CNTNAP5: variants seen among roughly 807,000 people sequenced by gnomAD.
CNTNAP5 encodes contactin associated protein family member 5.
CNTNAP5 carries 72 observed loss-of-function variants against 150.2 expected under a neutral mutation model. That is an observed-to-expected ratio of 0.48 (90% CI 0.40 to 0.58). The LOEUF (loss-of-function observed/expected upper bound fraction) is 0.58. Ranked by LOEUF, CNTNAP5 falls within the 20% of genes least tolerant of loss-of-function variation. CNTNAP5 has a pLI of 0.00. For synonymous variants in CNTNAP5, 672 were observed against 619.8 expected, an observed-to-expected ratio of 1.08 and a Z score of -1.25; for missense variants, 1,636 against 1,626.2, an observed-to-expected ratio of 1.01 and a Z score of -0.10.
chr2:124,315,047 A>G (rs566375728), intron 3 of CNTNAP5, among the ~76,000 whole-genome samples: 4 of 151,384 alleles, frequency 2.6e-5, no homozygotes, highest in Non-Finnish European at 4.4e-5. Flanking sequence ...TGGTATAATC[A>G]CAGCTCACTG....
At chr2:124,582,860 C>T (rs1696446392) in intron 11 of CNTNAP5, among the ~76,000 whole-genome samples, 2 of 152,040 alleles carry the variant, frequency 1.3e-5, no homozygotes, top group African/African-American at 2.4e-5. Flanking sequence ...ACAACTTTTG[C>T]CTAGTGTTTG....
rs748003668 is a variant in CNTNAP5, at chr2:124,446,805, C to T, written c.786C>T (p.Ser262=). Residue 262 remains serine (S), a synonymous_variant, in exon 6 of 24, where the codon AGC becomes AGT. Transcript: ENST00000682447. ...GCTTGCCCTCTGCCACCCTGGGCAG[C>T]CTCCTGGATGACCAGCACTGGCACT... is the stretch of plus-strand genomic sequence containing the variant. ...SSSLPSATLG[S]LLDDQHWHSV... 5.6e-6 allele frequency: 9 copies of T among 1,613,930 alleles called. No homozygotes were observed. In the Admixed American group the frequency reaches 6.7e-5, roughly 12 times the overall value.
intron 3 of CNTNAP5, among the ~76,000 whole-genome samples, chr2:124,394,017 C>A (rs1031148770): frequency 6.6e-6 from 1 of 152,038 alleles, no homozygotes; most frequent in African/African-American, 2.4e-5. Context: ...TATCAGTCAT[C>A]GTTTACACAT....
At chr2:124,707,437 C>T (rs1679714995) in intron 13 of CNTNAP5, among the ~76,000 whole-genome samples, 1 of 152,190 alleles carries the variant, frequency 6.6e-6, no homozygotes, top group African/African-American at 2.4e-5. Flanking sequence ...AAGTGTGGTA[C>T]ATTTTTTGAA....
intron 4 of CNTNAP5, 71 bp downstream of exon 4, chr2:124,417,661 T>C: frequency 7.4e-7 from 1 of 1,358,676 alleles, no homozygotes; most frequent in Non-Finnish European, 1.0e-6. Context: ...TCAGTTTATC[T>C]ACATTGAGAT....
At chr2:124,087,418 T>C (rs551446406) in intron 1 of CNTNAP5, among the ~76,000 whole-genome samples, 2 of 152,044 alleles carry the variant, frequency 1.3e-5, no homozygotes, top group East Asian at 3.9e-4. Context: ...TAAAATTCCC[T>C]CTTTACACTT....
At chr2:124,134,045 A>C (rs753234248) in intron 1 of CNTNAP5, among the ~76,000 whole-genome samples, 1 of 152,134 alleles carries the variant, frequency 6.6e-6, no homozygotes, top group Non-Finnish European at 1.5e-5. Context: ...CTTTCCTGCA[A>C]CATTATCAGT....
At chr2:124,707,513 G>GA (rs567519903) in intron 13 of CNTNAP5, among the ~76,000 whole-genome samples, 21 of 146,212 alleles carry the variant, frequency 1.4e-4, no homozygotes, top group Non-Finnish European at 2.5e-4. Context: ...AAGTTTTAAG[G>GA]AAAAAAAATC....
intron 13 of CNTNAP5, among the ~76,000 whole-genome samples, chr2:124,694,513 T>A: frequency 6.6e-6 from 1 of 152,156 alleles, no homozygotes; most frequent in Non-Finnish European, 1.5e-5. Flanking sequence ...GGTAAAGACC[T>A]TAATGATATA....
chr2:124,718,391 G>A (rs969279747), intron 13 of CNTNAP5, among the ~76,000 whole-genome samples: 2 of 152,078 alleles, frequency 1.3e-5, no homozygotes, highest in African/African-American at 2.4e-5. Context: ...TTTCAGTAAA[G>A]CCTATCATCA....
intron 5 of CNTNAP5, among the ~76,000 whole-genome samples, chr2:124,442,329 C>G (rs1692696140): frequency 6.6e-6 from 1 of 152,106 alleles, no homozygotes. Flanking sequence ...CTACTAGAAG[C>G]TTTAGGATTT....
intron 8 of CNTNAP5, among the ~76,000 whole-genome samples, chr2:124,510,491 A>ATATATC (rs1173746490): frequency 3.5e-5 from 4 of 115,736 alleles, no homozygotes; most frequent in African/African-American, 1.3e-4. Context: ...ATATATATAT[A>ATATATC]TATATATATA....
Position 124,675,356 on chromosome 2 carries a change from G to GTA in CNTNAP5, c.2077+27402_2077+27403dup, listed in dbSNP as rs535165936. ...ACATATTTGTGTGTTTGAATATGAT[G>GTA]TATATCTCATATAGACAACATATTC... is the stretch of plus-strand genomic sequence containing the variant. On this transcript the variant is annotated intron_variant, in intron 13 of 23. Coordinates refer to ENST00000682447, the MANE Select transcript of CNTNAP5 (RefSeq NM_001367498.1). Among the ~76,000 whole-genome samples the GTA allele has an allele frequency of 3.0e-4, 46 of 152,038 alleles. 2 individuals are homozygous for GTA. The East Asian group carries it at 8.3e-3, about 27-fold the overall frequency.
At chr2:124,314,881 G>C (rs189525342) in intron 3 of CNTNAP5, among the ~76,000 whole-genome samples, 1 of 151,748 alleles carries the variant, frequency 6.6e-6, no homozygotes, top group East Asian at 1.9e-4. Flanking sequence ...TCTTAGTGTC[G>C]GTTGCAATTT....
intron 7 of CNTNAP5, among the ~76,000 whole-genome samples, chr2:124,488,811 G>A (rs566473183): frequency 5.3e-5 from 8 of 152,184 alleles, no homozygotes; most frequent in Non-Finnish European, 1.0e-4. Flanking sequence ...TCTCATAGAA[G>A]GCTGAGCCTC....
chr2:124,392,872 G>T (rs1481394958), intron 3 of CNTNAP5, among the ~76,000 whole-genome samples: 2 of 151,994 alleles, frequency 1.3e-5, no homozygotes. Flanking sequence ...AAGCACCTTT[G>T]GTTTAACACT....
chr2:124,053,966 C>T (rs1205906964), intron 1 of CNTNAP5, among the ~76,000 whole-genome samples: 1 of 152,074 alleles, frequency 6.6e-6, no homozygotes, highest in African/African-American at 2.4e-5. Flanking sequence ...GGAACCCATG[C>T]TGAGGAATTG....
chr2:124,250,114 T>C (rs1411185842), intron 3 of CNTNAP5, among the ~76,000 whole-genome samples: 5 of 152,064 alleles, frequency 3.3e-5, no homozygotes, highest in Non-Finnish European at 7.4e-5. Context: ...GTAAAGTGGA[T>C]GTAATGAGGG....
chr2:124,727,461 C>T (rs1680181970), intron 13 of CNTNAP5, among the ~76,000 whole-genome samples: 1 of 151,810 alleles, frequency 6.6e-6, no homozygotes, highest in Admixed American at 6.6e-5. Context: ...TGGCCTATTT[C>T]TCTATTTATT....
Sources: allele counts gnomAD v4.1 joint callset (sites outside exome capture counted in the v4.1 genomes callset), GRCh38; gene constraint gnomAD v4.1.1; transcripts MANE v1.5; gene names NCBI Gene and HGNC (gene_info 2026-07-23, HGNC 2026-07-21).